The following PSMA1 variants were observed in gnomAD, a reference collection of about 807,000 sequenced individuals.
PSMA1 encodes the protein proteasome 20S subunit alpha 1.
A neutral mutation model predicts 38.4 loss-of-function variants in PSMA1; 3 were observed. That is an observed-to-expected ratio of 0.08 (90% CI 0.04 to 0.20). PSMA1 has a LOEUF of 0.20. Ranked by LOEUF, PSMA1 falls within the 10% of genes least tolerant of loss-of-function variation. The pLI is 1.00. For synonymous variants in PSMA1, 101 were observed against 107.1 expected (o/e 0.94, Z 0.35); for missense variants, 227 against 325.3 (o/e 0.70, Z 2.32).
intron 2 of PSMA1, among the ~76,000 whole-genome samples, chr11:14,599,820 A>G (rs1043612575): frequency 6.6e-6 from 1 of 152,194 alleles, no homozygotes; most frequent in Non-Finnish European, 1.5e-5. Flanking sequence ...GAGAAAAGGC[A>G]CTGTGAGTTT....
chr11:14,606,409 C>G (rs571479379), intron 2 of PSMA1, among the ~76,000 whole-genome samples: 2 of 151,084 alleles, frequency 1.3e-5, no homozygotes, highest in Non-Finnish European at 2.9e-5. Flanking sequence ...AGAGTGAGAC[C>G]CTGTCTGAAT....
chr11:14,506,657 C>T (rs899365072), intron 9 of PSMA1, among the ~76,000 whole-genome samples: 6 of 152,120 alleles, frequency 3.9e-5, no homozygotes, highest in Non-Finnish European at 7.4e-5. Flanking sequence ...CAAAGCTGGC[C>T]CCCAATGAGC....
intron 2 of PSMA1, among the ~76,000 whole-genome samples, chr11:14,545,947 G>A (rs578258923): frequency 1.3e-5 from 2 of 152,258 alleles, no homozygotes; most frequent in Non-Finnish European, 2.9e-5. Flanking sequence ...TAAATTAGAG[G>A]TCAGTGAAAA....
At chr11:14,624,468 CACTCCCAATA>C (rs1191567900) in intron 1 of PSMA1, among the ~76,000 whole-genome samples, 1 of 152,192 alleles carries the variant, frequency 6.6e-6, no homozygotes, top group Non-Finnish European at 1.5e-5. Context: ...TATCTACCAT[CACTCCCAATA>C]ACTCTCAATG....
intron 2 of PSMA1, among the ~76,000 whole-genome samples, chr11:14,572,692 CA>C (rs1229632078): frequency 2.0e-5 from 3 of 151,990 alleles, no homozygotes; most frequent in Non-Finnish European, 2.9e-5. Context: ...GATAGAGACA[CA>C]AAAAACCCTT....
At chr11:14,560,165 T>G (rs1040072396) in intron 2 of PSMA1, among the ~76,000 whole-genome samples, 4 of 152,218 alleles carry the variant, frequency 2.6e-5, no homozygotes, top group African/African-American at 9.6e-5. Context: ...ATGACTGCCT[T>G]AATCCAACCA....
intron 2 of PSMA1, among the ~76,000 whole-genome samples, chr11:14,555,812 T>G (rs1851935887): frequency 6.6e-6 from 1 of 152,262 alleles, no homozygotes; most frequent in Non-Finnish European, 1.5e-5. Context: ...ACAGATGAAC[T>G]GCTTGATGTT....
intron 1 of PSMA1, among the ~76,000 whole-genome samples, chr11:14,612,963 T>C (rs925403978): frequency 2.4e-4 from 36 of 152,060 alleles, no homozygotes; most frequent in South Asian, 4.1e-4. Context: ...ATGGTGCCCA[T>C]TGAAGACAAG....
chr11:14,555,704 C>T (rs922129434), intron 2 of PSMA1, among the ~76,000 whole-genome samples: 3 of 152,128 alleles, frequency 2.0e-5, no homozygotes, highest in Non-Finnish European at 4.4e-5. Flanking sequence ...TAGTTTTCTT[C>T]TACCACCCTC....
chr11:14,565,319 T>C (rs140183992), intron 2 of PSMA1, among the ~76,000 whole-genome samples: 1 of 152,314 alleles, frequency 6.6e-6, no homozygotes, highest in African/African-American at 2.4e-5. Flanking sequence ...TTATCAGTTT[T>C]ACCGATCTTT....
intron 2 of PSMA1, among the ~76,000 whole-genome samples, chr11:14,557,168 A>G (rs961551817): frequency 6.6e-6 from 1 of 152,134 alleles, no homozygotes; most frequent in African/African-American, 2.4e-5. Context: ...CAGTTGTTGG[A>G]TCACCTGAAC....
At chr11:14,552,820 C>CTTTTTTTT (rs34932699) in intron 2 of PSMA1, among the ~76,000 whole-genome samples, 1 of 122,028 alleles carries the variant, frequency 8.2e-6, no homozygotes, top group East Asian at 2.3e-4. Flanking sequence ...GCTTATATAA[C>CTTTTTTTT]TTTTTTTTTT....
intron 1 of PSMA1, among the ~76,000 whole-genome samples, chr11:14,629,264 T>C (rs1268675990): frequency 6.6e-6 from 1 of 151,988 alleles, no homozygotes; most frequent in Non-Finnish European, 1.5e-5. Context: ...CTGAATGGTA[T>C]TGCCTAGGTT....
intron 2 of PSMA1, among the ~76,000 whole-genome samples, chr11:14,569,622 G>A (rs1336591166): frequency 2.0e-5 from 3 of 152,232 alleles, no homozygotes; most frequent in African/African-American, 4.8e-5. Flanking sequence ...TAGCACAGCA[G>A]TCTGAGATCA....
intron 2 of PSMA1, among the ~76,000 whole-genome samples, chr11:14,596,587 T>C (rs561811855): frequency 6.6e-6 from 1 of 152,380 alleles, no homozygotes; most frequent in Admixed American, 6.5e-5. Context: ...TGTTTGCACA[T>C]TGATTTTGTA....
chr11:14,618,142 C>A (rs1852799006), intron 1 of PSMA1, among the ~76,000 whole-genome samples: 1 of 152,194 alleles, frequency 6.6e-6, no homozygotes, highest in South Asian at 2.1e-4. Flanking sequence ...ATCTTCCAGA[C>A]ATCAGATTCT....
intron 2 of PSMA1, among the ~76,000 whole-genome samples, chr11:14,608,173 A>C (rs1475628855): frequency 6.6e-6 from 1 of 152,112 alleles, no homozygotes; most frequent in African/African-American, 2.4e-5. Context: ...CAACATGGTG[A>C]GACTTCATCT....
intron 2 of PSMA1, among the ~76,000 whole-genome samples, chr11:14,547,692 A>C (rs1851840898): frequency 6.6e-6 from 1 of 152,206 alleles, no homozygotes; most frequent in South Asian, 2.1e-4. Flanking sequence ...AGACAACCAG[A>C]GGAGCTCAGA....
chr11:14,630,172 A>G (rs1265867162), intron 1 of PSMA1, among the ~76,000 whole-genome samples: 1 of 152,036 alleles, frequency 6.6e-6, no homozygotes, highest in Non-Finnish European at 1.5e-5. Context: ...CTCCTGCCTA[A>G]TTGCCCTGGC....
Sources: gnomAD v4.1 joint callset for allele counts (sites outside exome capture counted in the v4.1 genomes callset) on GRCh38, gnomAD v4.1.1 for gene constraint, MANE v1.5 for transcripts, NCBI Gene and HGNC (gene_info 2026-07-23, HGNC 2026-07-21) for gene names.